The following ANKRD36C variants were observed in gnomAD, a reference collection of about 807,000 sequenced individuals.
ANKRD36C encodes ankyrin repeat domain-containing protein 36C.
ANKRD36C carries 61 observed loss-of-function variants against 276.4 expected under a neutral mutation model. That is an observed-to-expected ratio of 0.22 (90% CI 0.18 to 0.27). The LOEUF is 0.27. Ranked by LOEUF, ANKRD36C falls within the 10% of genes least tolerant of loss-of-function variation. The pLI, the probability that ANKRD36C is intolerant of heterozygous loss-of-function variation, is 1.00. For synonymous variants in ANKRD36C, 483 were observed against 680.1 expected, an observed-to-expected ratio of 0.71 and a Z score of 4.51; for missense variants, 1,447 against 2,032.3, an observed-to-expected ratio of 0.71 and a Z score of 5.54.
At chr2:95,891,484 C>A (rs1164224423) in intron 46 of ANKRD36C, among the ~76,000 whole-genome samples, 181 bp downstream of exon 66, 1 of 151,294 alleles carries the variant, frequency 6.6e-6, no homozygotes, top group Non-Finnish European at 1.5e-5. Flanking sequence ...ACTCTTACTG[C>A]GAAGATCATG....
At chr2:95,923,253 A>T (rs1192603332) in intron 32 of ANKRD36C, among the ~76,000 whole-genome samples, 1 of 151,608 alleles carries the variant, frequency 6.6e-6, no homozygotes, top group Admixed American at 6.6e-5. Flanking sequence ...TTATGTCTTG[A>T]TCTGCTCTCC....
Position 95,943,797 on chromosome 2 carries a change from C to T in ANKRD36C, c.1491+830G>A, listed in dbSNP as rs535143243. Among the ~76,000 whole-genome samples, 15 of 151,854 alleles carry T rather than the reference C, an allele frequency of 9.9e-5. 1 individual carries two copies. The South Asian group carries it at 3.1e-3, about 31-fold the overall frequency. On this transcript the variant is annotated intron_variant, in intron 19 of 66. Transcript: ENST00000456556. Reference sequence around the variant, plus strand: ...AGATAAAATATAAGACATCACTTTACTGAAATTTTAAAAAGTGAGGATGAA... The same window carrying T: ...AGATAAAATATAAGACATCACTTTATTGAAATTTTAAAAAGTGAGGATGAA...
At chr2:95,967,228 A>G (rs983287030) in intron 6 of ANKRD36C, among the ~76,000 whole-genome samples, 1 of 152,204 alleles carries the variant, frequency 6.6e-6, no homozygotes, top group Admixed American at 6.5e-5. Flanking sequence ...ATGGGAGGAA[A>G]TGTTTGCAAT....
chr2:95,975,815 G>C (rs1242245094), intron 6 of ANKRD36C, among the ~76,000 whole-genome samples: 1 of 152,038 alleles, frequency 6.6e-6, no homozygotes, highest in Non-Finnish European at 1.5e-5. Context: ...CCCATCAAAA[G>C]AAACTACCAT....
chr2:95,940,106 C>T (rs2104460556), intron 20 of ANKRD36C, among the ~76,000 whole-genome samples: 1 of 152,412 alleles, frequency 6.6e-6, no homozygotes, highest in African/African-American at 2.4e-5. Context: ...GCAACCTCCG[C>T]CGCCCGGGTT....
exon 63 of ANKRD36C, chr2:95,855,564 T>C (rs1236289032): frequency 2.5e-6 from 4 of 1,611,148 alleles, no homozygotes; most frequent in Non-Finnish European, 3.4e-6. Context: ...TCCACTTTTG[T>C]ACATTTTTTC....
Position 95,921,766 on chromosome 2 carries a change from A to G in ANKRD36C, c.2172+16T>C, listed in dbSNP as rs759881588. 6.2e-7 allele frequency: 1 copy of G among 1,600,282 alleles called. No homozygotes were observed. The highest frequency in any genetic ancestry group is 8.5e-7 in the Non-Finnish European group (1 of 1,175,278). ...ATAGATTCACTAGTTCACAATATAA[A>G]TGAAAGTTTAATTACCTTCAAGGCT... On this transcript the variant is annotated intron_variant, in intron 33 of 66. Coordinates refer to ENST00000456556, the Ensembl canonical transcript of ANKRD36C.
downstream of ANKRD36C, among the ~76,000 whole-genome samples, chr2:95,850,642 A>G (rs1170720972): frequency 6.6e-6 from 1 of 152,260 alleles, no homozygotes; most frequent in East Asian, 1.9e-4. Context: ...CACTGATGTG[A>G]GAGTTTTGAT....
chr2:95,875,775 A>G, intron 59 of ANKRD36C, among the ~76,000 whole-genome samples: 1 of 152,188 alleles, frequency 6.6e-6, no homozygotes, highest in Non-Finnish European at 1.5e-5. Flanking sequence ...TATATAGATT[A>G]TAGGCTTAAG....
chr2:95,888,895 A>C (rs1573741694), intron 48 of ANKRD36C, among the ~76,000 whole-genome samples: 1 of 151,648 alleles, frequency 6.6e-6, no homozygotes. Context: ...TTCAGAAATC[A>C]ATCAAATATT....
downstream of ANKRD36C, among the ~76,000 whole-genome samples, chr2:95,849,833 G>T (rs1319842909): frequency 1.3e-5 from 2 of 152,224 alleles, no homozygotes; most frequent in Middle Eastern, 3.2e-3. Context: ...GAGCTCAGGT[G>T]ATAATGTGAG....
At chr2:95,858,233 G>C (rs1180282892) in intron 61 of ANKRD36C, among the ~76,000 whole-genome samples, 1 of 152,118 alleles carries the variant, frequency 6.6e-6, no homozygotes, top group East Asian at 1.9e-4. Context: ...GTTTGGCTCA[G>C]AATAAATCTC....
intron 44 of ANKRD36C, among the ~76,000 whole-genome samples, chr2:95,892,801 T>C (rs1455208744): frequency 6.6e-6 from 1 of 151,324 alleles, no homozygotes; most frequent in East Asian, 1.9e-4. Context: ...AGGAAGCCAA[T>C]GTATTCAGAT....
In ANKRD36C at chr2:95,893,611, T is replaced by A. The variant is rs748197556; in HGVS notation, c.2756-1751A>T. The A allele has an allele frequency of 1.3e-6, 2 of 1,586,834 alleles. No homozygotes were observed. Among genetic ancestry groups the A allele is most frequent in the Non-Finnish European group, 1.7e-6 (2 of 1,165,960 alleles). Reference sequence around the variant, plus strand: ...TCTTCCTCGTCACCTGTAGCCTGAATGGAATTTGAAATGAAATAATAAATA... The same window carrying A: ...TCTTCCTCGTCACCTGTAGCCTGAAAGGAATTTGAAATGAAATAATAAATA... On this transcript the variant is annotated intron_variant, in intron 44 of 66. Coordinates refer to ENST00000456556, the Ensembl canonical transcript of ANKRD36C.
intron 42 of ANKRD36C, among the ~76,000 whole-genome samples, chr2:95,909,370 T>C: frequency 1.4e-5 from 1 of 70,416 alleles, no homozygotes. Flanking sequence ...CAAAGGATAA[T>C]ATATTAGCCT....
chr2:95,989,726 G>A (rs1679099523), intron 1 of ANKRD36C, among the ~76,000 whole-genome samples: 1 of 152,122 alleles, frequency 6.6e-6, no homozygotes, highest in African/African-American at 2.4e-5. Context: ...CCAACAAATT[G>A]TCTATTTGAA....
intron 42 of ANKRD36C, among the ~76,000 whole-genome samples, chr2:95,904,349 G>A: frequency 6.8e-6 from 1 of 146,228 alleles, no homozygotes; most frequent in East Asian, 2.1e-4. Context: ...GGCCTCCTTA[G>A]TTCTCCTACA....
intron 44 of ANKRD36C, among the ~76,000 whole-genome samples, chr2:95,892,541 C>A (rs578092970): frequency 6.6e-6 from 1 of 151,604 alleles, no homozygotes; most frequent in Admixed American, 6.6e-5. Context: ...AATATATTAG[C>A]CTCAATAAAA....
At chr2:95,971,777 T>A (rs888225972) in intron 6 of ANKRD36C, among the ~76,000 whole-genome samples, 30 of 152,134 alleles carry the variant, frequency 2.0e-4, no homozygotes, top group Non-Finnish European at 4.0e-4. Flanking sequence ...TGAAACAAAT[T>A]TTTTTATTTT....
Sources: gnomAD v4.1 joint callset for allele counts (sites outside exome capture counted in the v4.1 genomes callset) on GRCh38, gnomAD v4.1.1 for gene constraint, MANE v1.5 for transcripts, NCBI Gene and HGNC (gene_info 2026-07-23, HGNC 2026-07-21) for gene names.